Variants in PSG6 observed in about 807,000 individuals in gnomAD.
The protein encoded by PSG6 is pregnancy specific beta-1-glycoprotein 6.
In PSG6, 51 loss-of-function variants were observed where a neutral mutation model predicts 43.3. The observed-to-expected ratio is 1.18, with a 90% CI of 0.94 to 1.49. PSG6 has a LOEUF of 1.49. Ranked by LOEUF, PSG6 falls within the 40% of genes most tolerant of loss-of-function variation. The pLI is 0.00. For missense variants in PSG6, 770 were observed against 522.2 expected, an observed-to-expected ratio of 1.47 and a Z score of -4.62; for synonymous variants, 292 against 197.6, an observed-to-expected ratio of 1.48 and a Z score of -4.01.
intron 2 of PSG6, among the ~76,000 whole-genome samples, chr19:42,914,922 G>C (rs1363751659): frequency 6.6e-6 from 1 of 151,580 alleles, no homozygotes; most frequent in African/African-American, 2.4e-5. Flanking sequence ...CTGAGGGGGA[G>C]ACCTGGACAT....
chr19:42,904,035 AAC>A (rs1972075927), intron 5 of PSG6, among the ~76,000 whole-genome samples: 1 of 151,974 alleles, frequency 6.6e-6, no homozygotes, highest in South Asian at 2.1e-4. Flanking sequence ...AACTCCTAGA[AAC>A]ACACAAAAAT....
intron 5 of PSG6, among the ~76,000 whole-genome samples, chr19:42,903,288 A>C (rs1172061155): frequency 6.6e-6 from 1 of 151,682 alleles, no homozygotes; most frequent in Non-Finnish European, 1.5e-5. Flanking sequence ...TCAGGGGTTC[A>C]GAGAAGTTGA....
At chr19:42,917,693 C>T (rs1972364407) in intron 1 of PSG6, 36 bp downstream of exon 1, 4 of 1,605,684 alleles carry the variant, frequency 2.5e-6, no homozygotes, top group East Asian at 2.2e-5. Context: ...ACTCTGCTTC[C>T]TCCTCCTGTC....
chr19:42,906,872 G>A, intron 5 of PSG6, 50 bp downstream of exon 5: 1 of 1,611,506 alleles, frequency 6.2e-7, no homozygotes, highest in Non-Finnish European at 8.5e-7. Context: ...CTGAAAGCCA[G>A]ATAGACTCCA....
Position 42,917,785 on chromosome 19 carries a change from G to T in PSG6, c.8C>A (p.Pro3His), listed in dbSNP as rs745820097. 1 of 1,609,624 alleles carries T rather than the reference G, an allele frequency of 6.2e-7. No individual in the cohort carries two copies. Among genetic ancestry groups the T allele is most frequent in the South Asian group, 1.1e-5 (1 of 90,500 alleles). The part of the protein sequence containing the change: MG[P>H]LSAPPCTQHI... ...CTGAGTGCAGGGAGGGGCTGAGAGG[G>T]GTCCCATGGTCTCTGCTGTCTGTGT... is the stretch of plus-strand genomic sequence containing the variant. Residue 3 changes from proline (P) to histidine (H), a missense_variant, in exon 1 of 6, where the codon CCC becomes CAC. Physicochemically the swap from Pro to His is moderately conservative, Grantham distance 77 (BLOSUM62 -2). Coordinates refer to ENST00000187910, the MANE Select transcript of PSG6 (RefSeq NM_001031850.4).
intron 5 of PSG6, among the ~76,000 whole-genome samples, chr19:42,904,916 G>A (rs1344994416): frequency 2.6e-5 from 4 of 151,690 alleles, no homozygotes; most frequent in Admixed American, 2.0e-4. Context: ...TCAATACAGT[G>A]TGGTACTGGC....
chr19:42,916,378 C>A lies in PSG6; in HGVS notation c.174G>T (p.Leu58Phe), dbSNP rs780174423. 8.1e-6 allele frequency: 13 copies of A among 1,612,018 alleles called. No individual in the cohort carries two copies. In the African/African-American group the frequency reaches 1.7e-4, roughly 22 times the overall value. The change falls in exon 2 of 6, where the codon TTG (leucine) becomes TTT (phenylalanine). Residue 58 changes from leucine (L) to phenylalanine (F), a missense_variant. Leu to Phe is a conservative substitution (Grantham distance 22). Transcript: ENST00000187910. ...AGATGTAGCCAGTAAGATTCTGGGGCAAATTGTGGACAAGTAGAAGAACAT... is the reference window on the plus strand; with the variant it reads ...AGATGTAGCCAGTAAGATTCTGGGGAAAATTGTGGACAAGTAGAAGAACAT... ...GKDVLLLVHN[L>F]PQNLTGYIWY...
chr19:42,906,513 T>C (rs1376727499), intron 5 of PSG6: 33 of 1,250,004 alleles, frequency 2.6e-5, no homozygotes, highest in Non-Finnish European at 3.2e-5. Flanking sequence ...GGGGGAAAAG[T>C]GTGAGCTTGT....
intron 3 of PSG6, chr19:42,910,043 C>G (rs1397437712): frequency 5.4e-6 from 1 of 186,794 alleles, no homozygotes; most frequent in Non-Finnish European, 1.1e-5. Context: ...GTGCTGATTG[C>G]TGGAACTTCC....
At position 42,907,698 on chromosome 19, in the gene PSG6, G is replaced by A. The variant is rs1058725; in HGVS notation, c.863C>T (p.Pro288Leu). ...SLPVSPRVKR[P>L]IENRILILPS... is the part of the protein sequence containing the mutation. ...TAGAATGAGTATCCTGTTTTCAATG[G>A]GTCGCTTTACCCTCGGACTGACCGG... The change falls in exon 4 of 6, where the codon CCC (proline) becomes CTC (leucine). Residue 288 changes from proline to leucine, a missense_variant. By Grantham distance (98) the Pro-to-Leu change is moderately conservative. Transcript: ENST00000187910. 33 of 1,610,632 alleles carry A rather than the reference G, an allele frequency of 2.0e-5. 1 individual carries two copies. The highest frequency in any genetic ancestry group is 2.5e-6 in the Non-Finnish European group (3 of 1,179,068).
Position 42,916,392 on chromosome 19 carries a change from G to A in PSG6, c.160C>T (p.Leu54Phe), listed in dbSNP as rs761914485. The part of the protein sequence containing the change: ...KVSEGKDVLL[L>F]VHNLPQNLTG... ...AGATTCTGGGGCAAATTGTGGACAA[G>A]TAGAAGAACATCCTTCCCCTCGGAA... The change falls in exon 2 of 6, where the codon CTT becomes TTT. Residue 54 changes from leucine (L) to phenylalanine (F), a missense_variant. Physicochemically the swap from Leu to Phe is conservative, Grantham distance 22 (BLOSUM62 0). Coordinates refer to ENST00000187910, the MANE Select transcript of PSG6 (RefSeq NM_001031850.4). 1.2e-5 allele frequency: 20 copies of A among 1,612,094 alleles called. No individual in the cohort carries two copies. The Admixed American group carries it at 1.8e-4, about 15-fold the overall frequency.
Position 42,910,716 on chromosome 19 carries a change from G to T in PSG6, c.570C>A (p.His190Gln), listed in dbSNP as rs9196. Residue 190 changes from histidine to glutamine, a missense_variant, in exon 3 of 6, where the codon CAC (histidine) becomes CAA (glutamine). Transcript: ENST00000187910. Reference protein sequence around the residue: ...LLNGQNLPMTHRLQLSKTNRT... With the variant: ...LLNGQNLPMTQRLQLSKTNRT... ...TGTTGGTTTTGGACAGCTGCAACCT[G>T]TGAGTCATAGGGAGGTTCTGACCAT... The T allele has an allele frequency of 6.2e-7, 1 of 1,612,234 alleles. No homozygotes were observed. The highest frequency in any genetic ancestry group is 1.3e-5 in the African/African-American group (1 of 74,700).
At position 42,905,149 on chromosome 19, in the gene PSG6, A is replaced by G. The variant is rs539066272; in HGVS notation, c.1240+1773T>C. Among the ~76,000 whole-genome samples, 84 of 151,866 alleles carry G rather than the reference A, an allele frequency of 5.5e-4. 1 individual carries two copies. Among genetic ancestry groups the G allele is most frequent in the African/African-American group, 1.9e-3 (78 of 41,432 alleles). ...TAACCCACAATAGATCAAAGATCTA[A>G]ATGTAAGAGTAAAAACTATACAACT... On this transcript the variant is annotated intron_variant, in intron 5 of 5. Coordinates refer to ENST00000187910, the MANE Select transcript of PSG6 (RefSeq NM_001031850.4).
At chr19:42,912,916 G>A (rs112632987) in intron 2 of PSG6, among the ~76,000 whole-genome samples, 4,168 of 151,696 alleles carry the variant, frequency 0.027, 237 homozygotes, top group African/African-American at 0.095. Flanking sequence ...AAGTATTCCC[G>A]TTAAGTGTAT....
intron 2 of PSG6, among the ~76,000 whole-genome samples, chr19:42,912,233 G>C (rs1488308841): frequency 6.6e-6 from 1 of 151,484 alleles, no homozygotes; most frequent in African/African-American, 2.4e-5. Flanking sequence ...TGCTCAATTT[G>C]TAATACTGTA....
In PSG6 at chr19:42,910,841, A is replaced by T; in HGVS notation, c.445T>A (p.Ser149Thr). 1.2e-6 allele frequency: 2 copies of T among 1,610,496 alleles called. No individual in the cohort carries two copies. Among genetic ancestry groups the T allele is most frequent in the Non-Finnish European group, 1.7e-6 (2 of 1,178,256 alleles). The change falls in exon 3 of 6, where the codon TCC becomes ACC. Residue 149 changes from serine to threonine, a missense_variant. Coordinates refer to ENST00000187910, the MANE Select transcript of PSG6 (RefSeq NM_001031850.4). ...GGGTTTAAGTTGCTGCTGGAGATGGAGGGCTTGGGAGTCTCCGCTGTGCAG... is the reference window on the plus strand; with the variant it reads ...GGGTTTAAGTTGCTGCTGGAGATGGTGGGCTTGGGAGTCTCCGCTGTGCAG... ...VTLYSETPKP[S>T]ISSSNLNPRE...
intron 5 of PSG6, chr19:42,903,626 C>T: frequency 6.8e-7 from 1 of 1,472,840 alleles, no homozygotes; most frequent in South Asian, 1.4e-5. Context: ...CATGGTGGGT[C>T]ATGTTTTAAT....
intron 5 of PSG6, 65 bp downstream of exon 5, chr19:42,906,857 C>T: frequency 1.9e-6 from 3 of 1,610,686 alleles, no homozygotes; most frequent in Non-Finnish European, 1.7e-6. Context: ...TTTCCTGACT[C>T]TTCTCTGAAA....
intron 2 of PSG6, among the ~76,000 whole-genome samples, chr19:42,912,456 G>A (rs763326170): frequency 1.3e-5 from 2 of 151,732 alleles, no homozygotes; most frequent in Admixed American, 6.6e-5. Flanking sequence ...ATCACATTAT[G>A]CTCAAAGAAA....
Sources: allele counts gnomAD v4.1 joint callset (sites outside exome capture counted in the v4.1 genomes callset), GRCh38; gene constraint gnomAD v4.1.1; transcripts MANE v1.5; gene names NCBI Gene and HGNC (gene_info 2026-07-23, HGNC 2026-07-21).